The following ATP8A2 variants were observed in gnomAD, a reference collection of about 807,000 sequenced individuals.
The protein encoded by ATP8A2 is ATPase phospholipid transporting 8A2.
Under a neutral mutation model 165.6 loss-of-function variants are expected in ATP8A2, and 100 were observed. The observed-to-expected ratio is 0.60, with a 90% CI of 0.51 to 0.71. The LOEUF (loss-of-function observed/expected upper bound fraction) is 0.71. Ranked by LOEUF, ATP8A2 falls within the 30% of genes least tolerant of loss-of-function variation. ATP8A2 has a pLI of 0.00. For synonymous variants in ATP8A2, 543 were observed against 548.8 expected (o/e 0.99, Z 0.15); for missense variants, 1,227 against 1,479.5 (o/e 0.83, Z 2.80).
chr13:25,754,445 A>G (rs1200412370), intron 25 of ATP8A2, among the ~76,000 whole-genome samples: 1 of 151,948 alleles, frequency 6.6e-6, no homozygotes, highest in Non-Finnish European at 1.5e-5. Flanking sequence ...TTTTACTGAT[A>G]TGAGCTACAA....
chr13:25,707,693 G>A (rs2043081523), intron 25 of ATP8A2, among the ~76,000 whole-genome samples: 1 of 152,140 alleles, frequency 6.6e-6, no homozygotes. Flanking sequence ...TGTGTAATTG[G>A]GAACACATCT....
At chr13:25,851,412 G>T (rs902679043) in intron 30 of ATP8A2, among the ~76,000 whole-genome samples, 1 of 152,076 alleles carries the variant, frequency 6.6e-6, no homozygotes, top group Admixed American at 6.6e-5. Flanking sequence ...TGAAACCCCC[G>T]TCTCTGCTAA....
At chr13:25,595,731 C>T (rs1409966247) in intron 24 of ATP8A2, among the ~76,000 whole-genome samples, 1 of 152,148 alleles carries the variant, frequency 6.6e-6, no homozygotes, top group Non-Finnish European at 1.5e-5. Flanking sequence ...TTTATCCTCA[C>T]CCTACTAATC....
At chr13:25,456,136 C>T (rs1259620582) in intron 1 of ATP8A2, among the ~76,000 whole-genome samples, 3 of 152,214 alleles carry the variant, frequency 2.0e-5, no homozygotes, top group Non-Finnish European at 4.4e-5. Flanking sequence ...CATCTTTACC[C>T]TTTGCTTTGG....
rs1218401538 is a variant in ATP8A2 at position 26,025,106 on chromosome 13, CCAA to C, written c.*5131_*5133del. ...TGGTTTATAGGTGAATCAATAAACA[CCAA>C]CAACAACAAAAAAAAAAAAAAAAAA... is the stretch of plus-strand genomic sequence containing the variant. On this transcript the variant is annotated 3_prime_UTR_variant, in exon 37 of 37. Coordinates refer to ENST00000381655, the MANE Select transcript of ATP8A2 (RefSeq NM_016529.6). 3 of 89,918 alleles carry C rather than the reference CCAA, an allele frequency of 3.3e-5. No individual in the cohort carries two copies. The highest frequency in any genetic ancestry group is 1.1e-4 in the African/African-American group (2 of 17,856). 5.6% of individuals were successfully genotyped at this position (89,918 alleles called of 1,614,324 possible).
At chr13:25,396,092 T>C (rs1040794160) in intron 1 of ATP8A2, among the ~76,000 whole-genome samples, 3 of 152,210 alleles carry the variant, frequency 2.0e-5, no homozygotes, top group Admixed American at 6.5e-5. Flanking sequence ...TCTGCCCGCC[T>C]TGGCCTCCCA....
At chr13:25,837,369 G>C (rs1404777347) in intron 29 of ATP8A2, 84 bp downstream of exon 29, 4 of 1,475,990 alleles carry the variant, frequency 2.7e-6, no homozygotes, top group Non-Finnish European at 3.7e-6. Flanking sequence ...GATAGTTGAA[G>C]CTTGAGAAAG....
intron 35 of ATP8A2, among the ~76,000 whole-genome samples, chr13:26,010,269 T>C (rs903436004): frequency 2.0e-5 from 3 of 152,058 alleles, no homozygotes; most frequent in Non-Finnish European, 4.4e-5. Context: ...CAATGATCCC[T>C]CCCATTTCTG....
intron 33 of ATP8A2, among the ~76,000 whole-genome samples, chr13:25,920,048 A>G (rs922308599): frequency 3.9e-5 from 6 of 152,104 alleles, no homozygotes; most frequent in African/African-American, 1.2e-4. Context: ...TCAGCCTCCC[A>G]AAGTGCCAGG....
chr13:25,937,035 C>T (rs1954911367), intron 33 of ATP8A2, among the ~76,000 whole-genome samples: 1 of 152,168 alleles, frequency 6.6e-6, no homozygotes, highest in Non-Finnish European at 1.5e-5. Context: ...AAGCTTTGCA[C>T]TCCTCATAGC....
At chr13:25,463,677 T>C (rs1439247551) in intron 1 of ATP8A2, among the ~76,000 whole-genome samples, 2 of 152,084 alleles carry the variant, frequency 1.3e-5, no homozygotes, top group African/African-American at 4.8e-5. Flanking sequence ...GGAATTTGAG[T>C]CATTCAGTAA....
chr13:25,835,289 T>C (rs1951576866), intron 28 of ATP8A2, among the ~76,000 whole-genome samples: 1 of 152,024 alleles, frequency 6.6e-6, no homozygotes, highest in Non-Finnish European at 1.5e-5. Flanking sequence ...GGAAAGTGAG[T>C]GCAACAAGTC....
intron 35 of ATP8A2, among the ~76,000 whole-genome samples, chr13:25,970,033 G>A (rs2139213510): frequency 6.6e-6 from 1 of 152,254 alleles, no homozygotes; most frequent in Non-Finnish European, 1.5e-5. Flanking sequence ...TAGGGAGCAG[G>A]AAACATTGCA....
At chr13:25,694,415 T>C (rs76673348) in intron 24 of ATP8A2, among the ~76,000 whole-genome samples, 1,732 of 152,290 alleles carry the variant, frequency 0.011, 30 homozygotes, top group African/African-American at 0.039. Flanking sequence ...CCTTGTCTCA[T>C]CTCTTTGGTG....
At position 25,435,657 on chromosome 13, in the gene ATP8A2, C is replaced by CT. The variant is rs906488984; in HGVS notation, c.77-33311dup. On this transcript the variant is annotated intron_variant, in intron 1 of 36. Transcript: ENST00000381655. ...ACGTGTTGTTCTTTTTCTTTTCTTT[C>CT]TTTTTTTTTGCCTTATTTGCACAGT... Among the ~76,000 whole-genome samples, 297 of 150,516 alleles carry CT rather than the reference C, an allele frequency of 2.0e-3. 2 individuals carry two copies. Among genetic ancestry groups the CT allele is most frequent in the Middle Eastern group, 6.8e-3 (2 of 292 alleles).
At chr13:25,846,001 C>A (rs1298193937) in intron 30 of ATP8A2, among the ~76,000 whole-genome samples, 1 of 152,088 alleles carries the variant, frequency 6.6e-6, no homozygotes, top group African/African-American at 2.4e-5. Context: ...CATGGTGAAA[C>A]CCCATCTCTA....
intron 35 of ATP8A2, among the ~76,000 whole-genome samples, chr13:25,992,059 T>A (rs1303644443): frequency 1.3e-5 from 2 of 152,082 alleles, no homozygotes; most frequent in Admixed American, 6.5e-5. Flanking sequence ...TTAAAGTGTA[T>A]AATTCAGTGG....
intron 2 of ATP8A2, among the ~76,000 whole-genome samples, chr13:25,480,720 C>T (rs1257886960): frequency 6.7e-6 from 1 of 150,360 alleles, no homozygotes; most frequent in Non-Finnish European, 1.5e-5. Context: ...GATGGGTGGC[C>T]AGGCAGAGAC....
chr13:25,850,846 TAGGACTTCTTTTTTCC>T (rs1951989891), intron 30 of ATP8A2, among the ~76,000 whole-genome samples: 1 of 152,196 alleles, frequency 6.6e-6, no homozygotes, highest in South Asian at 2.1e-4. Flanking sequence ...AACACTTTCT[TAGGACTTCTTTTTTCC>T]AGGAGTAGCT....
Sources: allele counts gnomAD v4.1 joint callset (sites outside exome capture counted in the v4.1 genomes callset), GRCh38; gene constraint gnomAD v4.1.1; transcripts MANE v1.5; gene names NCBI Gene and HGNC (gene_info 2026-07-23, HGNC 2026-07-21).